Variants in FHAD1 observed in about 807,000 individuals in gnomAD.
FHAD1 encodes forkhead associated phosphopeptide binding domain 1.
A neutral mutation model predicts 191.3 loss-of-function variants in FHAD1; 146 were observed. The ratio of observed to expected loss-of-function variants is 0.76; its 90% CI spans 0.67 to 0.88. The LOEUF is 0.88. Among genes scored for constraint, FHAD1 ranks in the 40% least tolerant of loss-of-function variants. The pLI is 0.00. For missense variants in FHAD1, 1,635 were observed against 1,785.8 expected, an observed-to-expected ratio of 0.92 and a Z score of 1.52; for synonymous variants, 616 against 672.3, an observed-to-expected ratio of 0.92 and a Z score of 1.29.
rs930421439 is a variant in FHAD1, at chr1:15,316,366, T to G, written c.1171-12T>G. Reference sequence around the variant, plus strand: ...ACGTTGGCCTCTTTCTGTGTTGCCCTTTTCTCCACAGTGCTCGGTGCTAAA... The same window carrying G: ...ACGTTGGCCTCTTTCTGTGTTGCCCGTTTCTCCACAGTGCTCGGTGCTAAA... On this transcript the variant is annotated splice_polypyrimidine_tract_variant and intron_variant, in intron 8 of 33. Transcript: ENST00000688493. This position sits in a 1 kb window ranked among gnomAD's most constrained non-coding sequence, Gnocchi z 4.3. 1.3e-6 allele frequency: 2 copies of G among 1,550,702 alleles called. No individual in the cohort carries two copies. The highest frequency in any genetic ancestry group is 2.7e-5 in the African/African-American group (2 of 73,008).
chr1:15,279,060 A>G (rs1174708926), intron 3 of FHAD1, among the ~76,000 whole-genome samples: 5 of 151,938 alleles, frequency 3.3e-5, no homozygotes, highest in Non-Finnish European at 4.4e-5. Context: ...TTCTCCACCT[A>G]ATGTTTTACT....
At chr1:15,391,975 T>C (rs1704171463) in intron 33 of FHAD1, among the ~76,000 whole-genome samples, 1 of 152,174 alleles carries the variant, frequency 6.6e-6, no homozygotes. Flanking sequence ...TGCTGCCAGT[T>C]ATTGGCTGAG....
chr1:15,360,995 G>A (rs1449369185), intron 22 of FHAD1, among the ~76,000 whole-genome samples: 1 of 152,206 alleles, frequency 6.6e-6, no homozygotes. Context: ...GCGCGAAGTG[G>A]AATCATCTTT....
rs190881728 is a variant in FHAD1, at chr1:15,259,218, C to A, written c.93+7341C>A. ...CACAGATAATACAAACGGCCACACC[C>A]CCATGTATAGACTAGTTATGAGGCA... On this transcript the variant is annotated intron_variant, in intron 2 of 33. Coordinates refer to ENST00000688493, the MANE Select transcript of FHAD1 (RefSeq NM_001391957.1). 2.6e-4 allele frequency among the ~76,000 whole-genome samples: 40 copies of A among 152,160 alleles called. No homozygotes were observed. In the East Asian group the frequency reaches 7.7e-3, roughly 29 times the overall value.
chr1:15,284,421 G>A (rs564138268), intron 3 of FHAD1, among the ~76,000 whole-genome samples: 6 of 150,176 alleles, frequency 4.0e-5, no homozygotes, highest in African/African-American at 1.2e-4. Context: ...GGAGCTTGCA[G>A]TGAGCTGAGA....
rs1015435296 is a variant in FHAD1, at chr1:15,247,252, G to T, written c.-158G>T. Reference sequence around the variant, plus strand: ...CCATGGCAACGCGCGTACACAGGCCGGCCGGGCGGGCGGGGTGCCGGGTGC... The same window carrying T: ...CCATGGCAACGCGCGTACACAGGCCTGCCGGGCGGGCGGGGTGCCGGGTGC... On this transcript the variant is annotated 5_prime_UTR_variant, in exon 1 of 34. Coordinates refer to ENST00000688493, the MANE Select transcript of FHAD1 (RefSeq NM_001391957.1). 4 of 180,506 alleles carry T rather than the reference G, an allele frequency of 2.2e-5. No homozygotes were observed. Among genetic ancestry groups the T allele is most frequent in the Non-Finnish European group, 3.6e-5 (3 of 82,910 alleles). The allele number at this position is 180,506 out of a possible 1,614,324, so 11.2% of individuals were successfully genotyped here.
rs1012627793 is a variant in FHAD1, at chr1:15,381,963, T to G, written c.4023-65T>G. 2.2e-5 allele frequency: 33 copies of G among 1,521,086 alleles called. No individual in the cohort carries two copies. Among genetic ancestry groups the G allele is most frequent in the Non-Finnish European group, 2.8e-5 (32 of 1,125,296 alleles). The allele number at this position is 1,521,086 out of a possible 1,614,324, so 94.2% of individuals were successfully genotyped here. On this transcript the variant is annotated intron_variant, in intron 30 of 33. Coordinates refer to ENST00000688493, the MANE Select transcript of FHAD1 (RefSeq NM_001391957.1). The surrounding 1 kb of genome is among the most constrained non-coding windows in gnomAD (Gnocchi z 4.6). The stretch of plus-strand genomic sequence containing the variant: ...ATGTATTTTGAGAGACTTCCGGGTC[T>G]GGCACATTGATGATGATTGGGAAAG...
At chr1:15,390,099 A>T (rs1266570739) in intron 32 of FHAD1, among the ~76,000 whole-genome samples, 1 of 152,094 alleles carries the variant, frequency 6.6e-6, no homozygotes, top group Non-Finnish European at 1.5e-5. Context: ...TAATTCCAGC[A>T]CTTTGGGAGG....
chr1:15,271,916 A>G (rs191781023), intron 2 of FHAD1, among the ~76,000 whole-genome samples: 1 of 152,304 alleles, frequency 6.6e-6, no homozygotes, highest in East Asian at 1.9e-4. Flanking sequence ...GAAAAAGAAA[A>G]TGGCCAATTC....
At chr1:15,239,938 C>T (rs1645168077) in intron 1 of FHAD1, among the ~76,000 whole-genome samples, 1 of 152,184 alleles carries the variant, frequency 6.6e-6, no homozygotes, top group Non-Finnish European at 1.5e-5. Flanking sequence ...AGGTCTATAT[C>T]TAATAGACAT....
chr1:15,333,865 C>T lies in FHAD1; in HGVS notation c.1906+4324C>T, dbSNP rs1466038050. ...TTTTTTTTTTTGAGTAAAAGTCTTG[C>T]GTTGTTGCCCAGACTGGAGTGCAGT... is the stretch of plus-strand genomic sequence containing the variant. On this transcript the variant is annotated intron_variant, in intron 14 of 33. Transcript: ENST00000688493. Among the ~76,000 whole-genome samples, 7 of 88,190 alleles carry T rather than the reference C, an allele frequency of 7.9e-5. No individual in the cohort carries two copies. In the Admixed American group the frequency reaches 8.8e-4, roughly 11 times the overall value. 57.9% of individuals were successfully genotyped at this position (88,190 alleles called of 152,430 possible).
intron 16 of FHAD1, among the ~76,000 whole-genome samples, chr1:15,343,557 A>G (rs1035066316): frequency 7.2e-5 from 11 of 152,154 alleles, no homozygotes; most frequent in Admixed American, 2.0e-4. Flanking sequence ...CCAAAACATC[A>G]GTCTCCTCCT....
chr1:15,245,892 C>G (rs1645967279), upstream of FHAD1, among the ~76,000 whole-genome samples: 2 of 152,240 alleles, frequency 1.3e-5, no homozygotes, highest in African/African-American at 4.8e-5. Context: ...GTTTGAGCAT[C>G]TTCACTGTAT....
chr1:15,286,626 T>C (rs948074013), intron 3 of FHAD1, among the ~76,000 whole-genome samples: 1 of 152,252 alleles, frequency 6.6e-6, no homozygotes, highest in Non-Finnish European at 1.5e-5. Flanking sequence ...CAGCCTAGTC[T>C]CCTTGGCTCT....
intron 14 of FHAD1, among the ~76,000 whole-genome samples, chr1:15,338,274 C>T (rs144261453): frequency 3.5e-4 from 53 of 152,320 alleles, no homozygotes; most frequent in African/African-American, 1.2e-3. Context: ...AAGTTCCTTC[C>T]GGAGGCTCTA....
At chr1:15,341,593 A>G in intron 15 of FHAD1, 143 bp from the exon 16 acceptor site, 2 of 598,820 alleles carry the variant, frequency 3.3e-6, no homozygotes, top group Non-Finnish European at 5.7e-6. Flanking sequence ...TAACCACAGC[A>G]TGCTGTAGTG....
intron 10 of FHAD1, among the ~76,000 whole-genome samples, chr1:15,320,611 C>T (rs1675934465): frequency 6.6e-6 from 1 of 152,216 alleles, no homozygotes; most frequent in African/African-American, 2.4e-5. Context: ...TGTTCCTCTT[C>T]ATTGCTAGAG....
rs1558270767 is a variant in FHAD1, at chr1:15,376,065, AT to A, written c.3705+338del. Among the ~76,000 whole-genome samples the A allele has an allele frequency of 3.7e-4, 33 of 88,562 alleles. 1 individual carries two copies. The highest frequency in any genetic ancestry group is 1.5e-3 in the African/African-American group (33 of 22,336). The allele number at this position is 88,562 out of a possible 152,430, so 58.1% of individuals were successfully genotyped here. A position where few individuals can be genotyped will look rare whatever the true frequency, so the allele number is the denominator to read the frequency against. ...TTTTATTTTATTTATTTATTTATTTATTTATTTATTTATTTTTTTATTTATT... is the reference window on the plus strand; with the variant it reads ...TTTTATTTTATTTATTTATTTATTTATTATTTATTTATTTTTTTATTTATT... On this transcript the variant is annotated intron_variant, in intron 28 of 33. Transcript: ENST00000688493.
chr1:15,317,918 A>C lies in FHAD1; in HGVS notation c.1355A>C (p.Glu452Ala). ...AGCGTGATCTCTAGGACTCTGAGAG[A>C]AAAAAGCAAGGTACGTAGTGGACAA... ...EQSVISRTLR[E>A]KSKVEEKLQE... Residue 452 changes from glutamate to alanine, a missense_variant, in exon 10 of 34, where the codon GAA becomes GCA. By Grantham distance (107) the Glu-to-Ala change is moderately radical. Coordinates refer to ENST00000688493, the MANE Select transcript of FHAD1 (RefSeq NM_001391957.1). The C allele has an allele frequency of 2.6e-6, 4 of 1,550,820 alleles. No homozygotes were observed. The highest frequency in any genetic ancestry group is 3.5e-6 in the Non-Finnish European group (4 of 1,146,142).
Sources: gnomAD v4.1 joint callset for allele counts (sites outside exome capture counted in the v4.1 genomes callset) on GRCh38, gnomAD v4.1.1 for gene constraint, Gnocchi (gnomAD v3.1) non-coding constraint, MANE v1.5 for transcripts, NCBI Gene and HGNC (gene_info 2026-07-23, HGNC 2026-07-21) for gene names.